The following SESN3 variants were observed in gnomAD, a reference collection of about 807,000 sequenced individuals.
SESN3 encodes sestrin 3, also known as sestrin-3.
SESN3 carries 21 observed loss-of-function variants against 55.3 expected under a neutral mutation model. That is an observed-to-expected ratio of 0.38 (90% CI 0.27 to 0.55). The LOEUF is 0.55. SESN3 is among the 20% of genes least tolerant of loss of function. The pLI is 0.76. For synonymous variants in SESN3, 181 were observed against 203.1 expected, an observed-to-expected ratio of 0.89 and a Z score of 0.93; for missense variants, 408 against 604.3, an observed-to-expected ratio of 0.68 and a Z score of 3.41.
chr11:95,188,016 TAAAA>T (rs5793718), intron 4 of SESN3, among the ~76,000 whole-genome samples: 1 of 144,186 alleles, frequency 6.9e-6, no homozygotes, highest in Non-Finnish European at 1.5e-5. Context: ...TCCCATGGCT[TAAAA>T]AAAAAAAAAA....
rs951936009 is a variant in SESN3, at chr11:95,170,806, A to G, written c.*2449T>C. ...TAAATATATGGTGTTGTTTTTGTTT[A>G]TAGTTCCAAGTCAACTTATTTTCCT... On this transcript the variant is annotated 3_prime_UTR_variant, in exon 10 of 10. Coordinates refer to ENST00000536441, the MANE Select transcript of SESN3 (RefSeq NM_144665.4). The G allele has an allele frequency of 2.6e-5, 4 of 152,190 alleles. No individual in the cohort carries two copies. Among genetic ancestry groups the G allele is most frequent in the Admixed American group, 2.0e-4 (3 of 15,270 alleles). 9.4% of individuals were successfully genotyped at this position (152,190 alleles called of 1,614,324 possible). A position where few individuals can be genotyped will look rare whatever the true frequency, so the allele number is the denominator to read the frequency against.
chr11:95,203,863 T>G (rs2134247407), intron 1 of SESN3: 1 of 152,704 alleles, frequency 6.5e-6, no homozygotes, highest in Middle Eastern at 3.4e-3. Flanking sequence ...GTAGTGGTCA[T>G]GTGGCTCAGA....
rs766349355 is a variant in SESN3 at position 95,168,121 on chromosome 11, T to G, written c.*5134A>C. 6 of 152,176 alleles carry G rather than the reference T, an allele frequency of 3.9e-5. No homozygotes were observed. The highest frequency in any genetic ancestry group is 6.5e-5 in the Admixed American group (1 of 15,274). The allele number at this position is 152,176 out of a possible 1,614,324, so 9.4% of individuals were successfully genotyped here. A position where few individuals can be genotyped will look rare whatever the true frequency, so the allele number is the denominator to read the frequency against. Reference sequence around the variant, plus strand: ...ATCCCATAGGACCATCTAAATACCCTTTGCCATATGTCATTCTATTAGAAA... The same window carrying G: ...ATCCCATAGGACCATCTAAATACCCGTTGCCATATGTCATTCTATTAGAAA... On this transcript the variant is annotated 3_prime_UTR_variant, in exon 10 of 10. Coordinates refer to ENST00000536441, the MANE Select transcript of SESN3 (RefSeq NM_144665.4).
intron 4 of SESN3, among the ~76,000 whole-genome samples, chr11:95,186,547 C>A (rs1405877626): frequency 2.0e-5 from 3 of 151,724 alleles, no homozygotes; most frequent in African/African-American, 7.3e-5. Flanking sequence ...GTGTTCCATA[C>A]CACTGTAGGA....
rs781304580 is a variant in SESN3 at position 95,173,118 on chromosome 11, C to CAAAA, written c.*133_*136dup. The CAAAA allele has an allele frequency of 6.5e-3, 2,720 of 416,710 alleles. 1 individual carries two copies. Among genetic ancestry groups the CAAAA allele is most frequent in the East Asian group, 0.013 (371 of 29,414 alleles). The allele number at this position is 416,710 out of a possible 1,614,324, so 25.8% of individuals were successfully genotyped here. On this transcript the variant is annotated 3_prime_UTR_variant, in exon 10 of 10. Coordinates refer to ENST00000536441, the MANE Select transcript of SESN3 (RefSeq NM_144665.4). ...CATTGCACATTACAGCCGCAAAAAA[C>CAAAA]AAAAAAAAAAAAACAAACGGCTAAA... is the stretch of plus-strand genomic sequence containing the variant.
intron 9 of SESN3, among the ~76,000 whole-genome samples, chr11:95,174,280 G>C (rs1024145855): frequency 6.6e-6 from 1 of 152,132 alleles, no homozygotes; most frequent in Non-Finnish European, 1.5e-5. Context: ...GGAGATTCTT[G>C]AACTTAAAGG....
intron 3 of SESN3, 24 bp from the exon 4 acceptor site, chr11:95,189,985 A>C (rs781104947): frequency 6.4e-7 from 1 of 1,552,128 alleles, no homozygotes; most frequent in Admixed American, 2.0e-5. Context: ...AAAAAAATTC[A>C]TTGATAAAAG....
At chr11:95,231,456 A>T (rs967012716), upstream of SESN3, 34 of 268,146 alleles carry the variant, frequency 1.3e-4, no homozygotes, top group African/African-American at 6.0e-4. Flanking sequence ...GTAGCAGGGA[A>T]CAGTTTGCTC....
intron 1 of SESN3, among the ~76,000 whole-genome samples, chr11:95,228,596 T>G (rs1860991891): frequency 6.6e-6 from 1 of 152,174 alleles, no homozygotes; most frequent in Non-Finnish European, 1.5e-5. Context: ...GATGAAACAT[T>G]TAAAATGCTA....
chr11:95,179,092 C>G (rs1860012968), intron 6 of SESN3, among the ~76,000 whole-genome samples: 2 of 151,806 alleles, frequency 1.3e-5, no homozygotes, highest in Non-Finnish European at 2.9e-5. Flanking sequence ...AGCAAAGGAT[C>G]AATATGCTAG....
chr11:95,214,035 AC>A (rs1178250223), intron 1 of SESN3, among the ~76,000 whole-genome samples: 1 of 152,212 alleles, frequency 6.6e-6, no homozygotes, highest in Non-Finnish European at 1.5e-5. Flanking sequence ...GCTATTTTAG[AC>A]CATGAAAATG....
intron 1 of SESN3, among the ~76,000 whole-genome samples, chr11:95,229,446 A>C (rs1861009565): frequency 6.6e-6 from 1 of 152,190 alleles, no homozygotes; most frequent in Non-Finnish European, 1.5e-5. Flanking sequence ...ACACAATTTA[A>C]GGCATATTTA....
chr11:95,198,853 G>A (rs1291272645), intron 1 of SESN3, among the ~76,000 whole-genome samples: 1 of 152,052 alleles, frequency 6.6e-6, no homozygotes, highest in Non-Finnish European at 1.5e-5. Context: ...TTGTAATATT[G>A]TTCAGCTGCT....
At chr11:95,219,234 A>G (rs930582028) in intron 1 of SESN3, among the ~76,000 whole-genome samples, 36 of 152,300 alleles carry the variant, frequency 2.4e-4, no homozygotes, top group African/African-American at 8.7e-4. Context: ...AACGTACAAA[A>G]CAGTTTTGAT....
chr11:95,212,567 T>C (rs1310405039), intron 1 of SESN3, among the ~76,000 whole-genome samples: 1 of 152,168 alleles, frequency 6.6e-6, no homozygotes, highest in Non-Finnish European at 1.5e-5. Flanking sequence ...AGTTTTATTA[T>C]CTACCATATG....
chr11:95,184,338 T>C (rs1860122011), intron 6 of SESN3, 82 bp downstream of exon 6: 1 of 1,126,388 alleles, frequency 8.9e-7, no homozygotes, highest in South Asian at 1.3e-5. Context: ...GAATCATTTT[T>C]ACATATCCAC....
rs4753658 is a variant in SESN3, at chr11:95,230,773, G to A, written c.78+10C>T. On this transcript the variant is annotated intron_variant, in intron 1 of 9. Coordinates refer to ENST00000536441, the MANE Select transcript of SESN3 (RefSeq NM_144665.4). This position sits in a 1 kb window ranked among gnomAD's most constrained non-coding sequence, Gnocchi z 4.6. ...ACCCTCGCCGGCAGGACCCCGGGCC[G>A]AACCCGTACCTTCCGCAGCACTTTC... 0.044 allele frequency: 71,107 copies of A among 1,598,062 alleles called. 4,751 individuals are homozygous for A. The highest frequency in any genetic ancestry group is 0.31 in the East Asian group (13,406 of 43,412).
intron 1 of SESN3, among the ~76,000 whole-genome samples, chr11:95,194,311 C>T (rs199879181): frequency 2.6e-4 from 39 of 152,062 alleles, no homozygotes; most frequent in Non-Finnish European, 4.3e-4. Flanking sequence ...TTGGTCCTTA[C>T]AATCAAACAG....
At chr11:95,223,117 T>G (rs1375147869) in intron 1 of SESN3, among the ~76,000 whole-genome samples, 1 of 152,156 alleles carries the variant, frequency 6.6e-6, no homozygotes, top group Non-Finnish European at 1.5e-5. Flanking sequence ...AGGTAGTTGC[T>G]GGCTGTCATA....
Sources: allele counts gnomAD v4.1 joint callset (sites outside exome capture counted in the v4.1 genomes callset), GRCh38; gene constraint gnomAD v4.1.1; non-coding constraint Gnocchi (gnomAD v3.1); transcripts MANE v1.5; gene names NCBI Gene and HGNC (gene_info 2026-07-23, HGNC 2026-07-21).